Variants in UVSSA observed in about 807,000 individuals in gnomAD.
The protein encoded by UVSSA is UV stimulated scaffold protein A.
In UVSSA, 72 loss-of-function variants were observed where a neutral mutation model predicts 73.9. The ratio of observed to expected loss-of-function variants is 0.97; its 90% CI spans 0.81 to 1.19. UVSSA has a LOEUF of 1.19. UVSSA is among the 50% of genes most tolerant of loss of function. UVSSA has a pLI of 0.00. For synonymous variants in UVSSA, 454 were observed against 391.3 expected, an observed-to-expected ratio of 1.16 and a Z score of -1.89; for missense variants, 1,150 against 965.0, an observed-to-expected ratio of 1.19 and a Z score of -2.54.
At position 1,380,218 on chromosome 4, in the gene UVSSA, A is replaced by G. The variant is rs773850113; in HGVS notation, c.1740A>G (p.Gln580=). 6.8e-6 allele frequency: 11 copies of G among 1,611,492 alleles called. No individual in the cohort carries two copies. The South Asian group carries it at 9.9e-5, about 14-fold the overall frequency. Residue 580 remains glutamine, a synonymous_variant, in exon 11 of 14, where the codon CAA becomes CAG. Transcript: ENST00000389851. Reference sequence around the variant, plus strand: ...CAGACGGCCGGCTCTGTGAGCGCCAAGACCGGCTGAAGGTGAGGCCGTGGC... The same window carrying G: ...CAGACGGCCGGCTCTGTGAGCGCCAGGACCGGCTGAAGGTGAGGCCGTGGC... ...PRPDGRLCER[Q]DRLKCPFHGK...
intron 10 of UVSSA, 48 bp downstream of exon 10, chr4:1,376,216 C>G (rs1718755473): frequency 1.3e-6 from 2 of 1,559,052 alleles, no homozygotes; most frequent in South Asian, 2.4e-5. Context: ...AACCAGGGTC[C>G]CAGCCTGAGG....
chr4:1,356,304 C>T (rs1319847141), intron 7 of UVSSA, among the ~76,000 whole-genome samples: 4 of 152,132 alleles, frequency 2.6e-5, no homozygotes, highest in Non-Finnish European at 4.4e-5. Flanking sequence ...AAGCTCCTCT[C>T]GATTAAATGC....
intron 7 of UVSSA, among the ~76,000 whole-genome samples, chr4:1,363,889 C>T (rs1390709300): frequency 1.3e-5 from 2 of 152,270 alleles, no homozygotes; most frequent in Non-Finnish European, 2.9e-5. Context: ...CCCAGATGCT[C>T]AGCAGTGGGA....
rs544074983 is a variant in UVSSA, at chr4:1,395,811, A to G, written c.*9850A>G. 3.1e-6 allele frequency: 5 copies of G among 1,614,162 alleles called. No individual in the cohort carries two copies. The South Asian group carries it at 5.5e-5, about 18-fold the overall frequency. On this transcript the variant is annotated 3_prime_UTR_variant, in exon 14 of 14. Transcript: ENST00000511216. Reference sequence around the variant, plus strand: ...TGGCTTTTTAATACGTTTTTATGTCAAGGATCCCTTTTATATTTCTCTGCA... The same window carrying G: ...TGGCTTTTTAATACGTTTTTATGTCGAGGATCCCTTTTATATTTCTCTGCA...
chr4:1,354,405 G>A (rs999181981), intron 5 of UVSSA: 1 of 352,586 alleles, frequency 2.8e-6, no homozygotes, highest in Non-Finnish European at 5.5e-6. Context: ...GGAGGGGAAG[G>A]TTCTGTGCCC....
intron 4 of UVSSA, among the ~76,000 whole-genome samples, chr4:1,352,142 C>T (rs1714865306): frequency 6.6e-6 from 1 of 152,260 alleles, no homozygotes; most frequent in East Asian, 1.9e-4. Flanking sequence ...GGCTGAAGGC[C>T]CTGCCACCTG....
chr4:1,375,406 T>G lies in UVSSA; in HGVS notation c.1331T>G (p.Leu444Trp), dbSNP rs1164612632. 1 of 1,613,556 alleles carries G rather than the reference T, an allele frequency of 6.2e-7. No individual in the cohort carries two copies. Among genetic ancestry groups the G allele is most frequent in the East Asian group, 2.2e-5 (1 of 44,868 alleles). The change falls in exon 9 of 14, where the codon TTG (leucine) becomes TGG (tryptophan). Residue 444 changes from leucine (L) to tryptophan (W), a missense_variant. Coordinates refer to ENST00000389851, the MANE Select transcript of UVSSA (RefSeq NM_020894.4). ...GAGAAAGACACAGTTGTGCGGTGCT[T>G]GCGGACGAGGACGAGGATGGACGAG... Reference protein sequence around the residue: ...APEKDTVVRCLRTRTRMDEEV... With the variant: ...APEKDTVVRCWRTRTRMDEEV...
intron 5 of UVSSA, among the ~76,000 whole-genome samples, chr4:1,353,982 GC>G (rs1179965666): frequency 6.6e-6 from 1 of 152,236 alleles, no homozygotes; most frequent in Non-Finnish European, 1.5e-5. Context: ...GCCCCCTGCT[GC>G]CCCCCTGGGG....
In UVSSA at chr4:1,386,612, C is replaced by T. The variant is rs1437541726; in HGVS notation, c.*651C>T. ...AGCATTGGAGAAGGATACCGAACATCTTCTCGTGGGCTTACTGGCCATTTG... is the reference window on the plus strand; with the variant it reads ...AGCATTGGAGAAGGATACCGAACATTTTCTCGTGGGCTTACTGGCCATTTG... On this transcript the variant is annotated 3_prime_UTR_variant, in exon 14 of 14. Coordinates refer to ENST00000389851, the MANE Select transcript of UVSSA (RefSeq NM_020894.4). The T allele has an allele frequency of 6.6e-6, 1 of 152,310 alleles. No homozygotes were observed. Among genetic ancestry groups the T allele is most frequent in the East Asian group, 1.9e-4 (1 of 5,200 alleles). The allele number at this position is 152,310 out of a possible 1,614,324, so 9.4% of individuals were successfully genotyped here.
At chr4:1,379,642 A>T (rs1436874424) in intron 10 of UVSSA, among the ~76,000 whole-genome samples, 1 of 152,140 alleles carries the variant, frequency 6.6e-6, no homozygotes, top group African/African-American at 2.4e-5. Flanking sequence ...CTTCATGTGG[A>T]TGCCCCGTTG....
chr4:1,354,856 C>T lies in UVSSA; in HGVS notation c.1047+9C>T, dbSNP rs770817635. The T allele has an allele frequency of 1.2e-5, 19 of 1,606,124 alleles. No homozygotes were observed. The highest frequency in any genetic ancestry group is 1.7e-5 in the Admixed American group (1 of 59,278). ...TGTGCTCGTGGATCCAGGTGAGCCT[C>T]GAACCTGGGACCTGTGGGTGGAGGG... is the stretch of plus-strand genomic sequence containing the variant. On this transcript the variant is annotated intron_variant, in intron 6 of 13. Coordinates refer to ENST00000389851, the MANE Select transcript of UVSSA (RefSeq NM_020894.4).
intron 7 of UVSSA, among the ~76,000 whole-genome samples, chr4:1,363,719 G>A (rs1016650018): frequency 3.3e-5 from 5 of 152,222 alleles, no homozygotes; most frequent in African/African-American, 1.2e-4. Context: ...GTGATGGATC[G>A]CCATCATTTG....
Position 1,380,923 on chromosome 4 carries a change from G to A in UVSSA, c.1796G>A (p.Arg599Gln), listed in dbSNP as rs551571397. 54 of 1,613,052 alleles carry A rather than the reference G, an allele frequency of 3.3e-5. No individual in the cohort carries two copies. Among genetic ancestry groups the A allele is most frequent in the South Asian group, 9.9e-5 (9 of 91,072 alleles). Residue 599 changes from arginine (R) to glutamine (Q), a missense_variant, in exon 12 of 14, where the codon CGG becomes CAG. By Grantham distance (43) the Arg-to-Gln change is conservative. Coordinates refer to ENST00000389851, the MANE Select transcript of UVSSA (RefSeq NM_020894.4). ...GKIVPRDDEGRPLDPEDRARE... is the reference protein window; with the variant it reads ...GKIVPRDDEGQPLDPEDRARE... The stretch of plus-strand genomic sequence containing the variant: ...ATTGTTCCACGGGACGACGAAGGAC[G>A]GCCGCTCGACCCGGAAGACAGGGCT...
chr4:1,346,357 G>A (rs1375969374), upstream of UVSSA, among the ~76,000 whole-genome samples: 1 of 152,148 alleles, frequency 6.6e-6, no homozygotes, highest in Non-Finnish European at 1.5e-5. Context: ...CGTGGCCTGT[G>A]CCGGGCGCCC....
chr4:1,383,946 A>C lies in UVSSA; in HGVS notation c.2036+6A>C. The C allele has an allele frequency of 6.2e-7, 1 of 1,607,896 alleles. No homozygotes were observed. Among genetic ancestry groups the C allele is most frequent in the East Asian group, 2.2e-5 (1 of 44,800 alleles). ...GGGAGAAAAGTCTTCGCCAAGTAAG[A>C]GTGGCTGCTGGGTCACCTCCCACCG... is the stretch of plus-strand genomic sequence containing the variant. On this transcript the variant is annotated splice_donor_region_variant and intron_variant, in intron 13 of 13. Coordinates refer to ENST00000389851, the MANE Select transcript of UVSSA (RefSeq NM_020894.4).
Position 1,353,239 on chromosome 4 carries a change from A to G in UVSSA, c.760A>G (p.Ser254Gly). The change falls in exon 5 of 14, where the codon AGT (serine) becomes GGT (glycine). Residue 254 changes from serine (S) to glycine (G), a missense_variant. Coordinates refer to ENST00000389851, the MANE Select transcript of UVSSA (RefSeq NM_020894.4). ...CCGGGACGGGGAGCAGCCCTGCTGC[A>G]GTAGAGACCTGCCTGCCTCTGCAGG... ...DPRDGEQPCC[S>G]RDLPASAGHP... The G allele has an allele frequency of 6.2e-7, 1 of 1,611,926 alleles. No homozygotes were observed. The highest frequency in any genetic ancestry group is 8.5e-7 in the Non-Finnish European group (1 of 1,179,824).
chr4:1,395,035 G>C lies in UVSSA; in HGVS notation c.*9074G>C. ...CCGCCTGCTCACACGTGCCCATGTG[G>C]AGTGCCCGCCTGCTCACACGTGCCA... On this transcript the variant is annotated 3_prime_UTR_variant, in exon 14 of 14. Transcript: ENST00000511216. The C allele has an allele frequency of 1.4e-6, 2 of 1,445,988 alleles. No individual in the cohort carries two copies. The highest frequency in any genetic ancestry group is 3.6e-5 in the Admixed American group (2 of 55,296). 89.6% of individuals were successfully genotyped at this position (1,445,988 alleles called of 1,614,324 possible).
intron 4 of UVSSA, among the ~76,000 whole-genome samples, chr4:1,352,570 T>C (rs558183261): frequency 2.8e-4 from 42 of 152,356 alleles, no homozygotes; most frequent in African/African-American, 1.0e-3. Context: ...TGACCTCCCC[T>C]GCGCACTCGT....
intron 7 of UVSSA, among the ~76,000 whole-genome samples, chr4:1,358,805 C>T (rs1716184322): frequency 6.6e-6 from 1 of 152,266 alleles, no homozygotes; most frequent in African/African-American, 2.4e-5. Context: ...CCCCATTTAG[C>T]ACGGGGATTG....
Sources: allele counts gnomAD v4.1 joint callset (sites outside exome capture counted in the v4.1 genomes callset), GRCh38; gene constraint gnomAD v4.1.1; transcripts MANE v1.5; gene names NCBI Gene and HGNC (gene_info 2026-07-23, HGNC 2026-07-21).